Variants in KIF26B observed in about 807,000 individuals in gnomAD.
KIF26B encodes kinesin-like protein KIF26B.
KIF26B carries 63 observed loss-of-function variants against 151.2 expected under a neutral mutation model. The observed-to-expected ratio is 0.42, with a 90% CI of 0.34 to 0.51. The LOEUF is 0.51. Ranked by LOEUF, KIF26B falls within the 20% of genes least tolerant of loss-of-function variation. The pLI is 0.07. For missense variants in KIF26B, 2,813 were observed against 2,913.6 expected (o/e 0.97, Z 0.79); for synonymous variants, 1,357 against 1,262.1 (o/e 1.08, Z -1.59).
intron 2 of KIF26B, among the ~76,000 whole-genome samples, chr1:245,232,358 T>A (rs1670015193): frequency 6.6e-6 from 1 of 152,186 alleles, no homozygotes; most frequent in African/African-American, 2.4e-5. Flanking sequence ...ATTTGGTAAA[T>A]TTTATTGAGA....
At chr1:245,266,695 C>T (rs1034460679) in intron 2 of KIF26B, among the ~76,000 whole-genome samples, 5 of 152,112 alleles carry the variant, frequency 3.3e-5, no homozygotes, top group South Asian at 2.1e-4. Flanking sequence ...TTAGTAGGGA[C>T]GGGGTTTCAC....
intron 4 of KIF26B, among the ~76,000 whole-genome samples, chr1:245,429,339 G>C (rs1658722874): frequency 6.6e-6 from 1 of 152,146 alleles, no homozygotes; most frequent in African/African-American, 2.4e-5. Context: ...TGTTTAGGTG[G>C]CCCTTTGTTA....
At chr1:245,669,471 T>G (rs1480432795) in intron 10 of KIF26B, among the ~76,000 whole-genome samples, 1 of 152,196 alleles carries the variant, frequency 6.6e-6, no homozygotes, top group Non-Finnish European at 1.5e-5. Flanking sequence ...AAAGAACTCC[T>G]GTAAGTCAAC....
chr1:245,688,431 G>A lies in KIF26B; in HGVS notation c.5448G>A (p.Ala1816=), dbSNP rs939685788. The A allele has an allele frequency of 4.3e-6, 6 of 1,395,764 alleles. No individual in the cohort carries two copies. Among genetic ancestry groups the A allele is most frequent in the East Asian group, 3.0e-5 (1 of 33,404 alleles). The allele number at this position is 1,395,764 out of a possible 1,614,324, so 86.5% of individuals were successfully genotyped here. A position where few individuals can be genotyped will look rare whatever the true frequency, so the allele number is the denominator to read the frequency against. ...TCTCGGAGCTGCTGCAGGGTGGCGC[G>A]GGCGCCCGGGGCTTGCAGCTGCGGG... is the stretch of plus-strand genomic sequence containing the variant. ...GRISELLQGG[A]GARGLQLRAG... The change falls in exon 12 of 15, where the codon GCG becomes GCA. Residue 1816 remains alanine (A), a synonymous_variant. Coordinates refer to ENST00000407071, the MANE Select transcript of KIF26B (RefSeq NM_018012.4).
At chr1:245,506,234 C>T (rs1052264026) in intron 4 of KIF26B, among the ~76,000 whole-genome samples, 6 of 152,190 alleles carry the variant, frequency 3.9e-5, no homozygotes, top group African/African-American at 1.4e-4. Flanking sequence ...TTGTCACAGA[C>T]ACTCCTGTGT....
chr1:245,386,334 T>C (rs1320063840), intron 3 of KIF26B, among the ~76,000 whole-genome samples: 1 of 62,030 alleles, frequency 1.6e-5, no homozygotes, highest in Non-Finnish European at 3.2e-5. Context: ...GTGTAATTGA[T>C]CTAAAAAAAA....
chr1:245,679,641 G>A (rs982386544), intron 10 of KIF26B, among the ~76,000 whole-genome samples: 1 of 151,686 alleles, frequency 6.6e-6, no homozygotes, highest in Non-Finnish European at 1.5e-5. Flanking sequence ...GATAATTTTT[G>A]TATTTTTAGT....
chr1:245,616,857 A>G (rs1419663783), intron 9 of KIF26B, among the ~76,000 whole-genome samples: 1 of 152,160 alleles, frequency 6.6e-6, no homozygotes, highest in African/African-American at 2.4e-5. Context: ...GATAATTTCA[A>G]AAGCCCCACT....
chr1:245,535,083 G>A (rs941625483), intron 4 of KIF26B, among the ~76,000 whole-genome samples: 3 of 152,064 alleles, frequency 2.0e-5, no homozygotes, highest in Non-Finnish European at 2.9e-5. Flanking sequence ...GCACCTGGCC[G>A]TCTTTACCTT....
Position 245,560,439 on chromosome 1 carries a change from A to C in KIF26B, c.1350+19489A>C, listed in dbSNP as rs144070664. 3.4e-3 allele frequency among the ~76,000 whole-genome samples: 512 copies of C among 152,080 alleles called. 3 individuals carry two copies. The highest frequency in any genetic ancestry group is 0.012 in the African/African-American group (497 of 41,500). ...AAAATGTACCTTATGGTATTACTTT[A>C]TTTTAATTCTGCCATGACATTTGTG... On this transcript the variant is annotated intron_variant, in intron 5 of 14. Transcript: ENST00000407071. This position sits in a 1 kb window ranked among gnomAD's most constrained non-coding sequence, Gnocchi z 4.3.
At chr1:245,326,813 TATC>T (rs1373891720) in intron 2 of KIF26B, among the ~76,000 whole-genome samples, 1 of 152,172 alleles carries the variant, frequency 6.6e-6, no homozygotes, top group African/African-American at 2.4e-5. Context: ...AACTGTGAAA[TATC>T]ATAGAACCGG....
At chr1:245,632,535 T>C (rs2043792015) in intron 9 of KIF26B, among the ~76,000 whole-genome samples, 1 of 152,224 alleles carries the variant, frequency 6.6e-6, no homozygotes, top group African/African-American at 2.4e-5. Context: ...GTTCGATCCA[T>C]TTGGTCTGTA....
chr1:245,496,398 T>TAGC (rs1205732649), intron 4 of KIF26B, among the ~76,000 whole-genome samples: 2 of 152,180 alleles, frequency 1.3e-5, no homozygotes, highest in Non-Finnish European at 2.9e-5. Flanking sequence ...AAAATATATG[T>TAGC]AGCATTAAAT....
intron 5 of KIF26B, among the ~76,000 whole-genome samples, chr1:245,578,068 G>T (rs373401816): frequency 6.6e-6 from 1 of 152,218 alleles, no homozygotes; most frequent in Non-Finnish European, 1.5e-5. Context: ...GCGGCAATGA[G>T]TCCACTCTCC....
chr1:245,677,198 A>AG (rs1179573788), intron 10 of KIF26B, among the ~76,000 whole-genome samples: 1 of 152,216 alleles, frequency 6.6e-6, no homozygotes, highest in Non-Finnish European at 1.5e-5. Flanking sequence ...CTGGTCCTTC[A>AG]GCCAGAGTGG....
At chr1:245,394,596 C>T (rs1341642292) in intron 3 of KIF26B, among the ~76,000 whole-genome samples, 1 of 151,884 alleles carries the variant, frequency 6.6e-6, no homozygotes, top group African/African-American at 2.4e-5. Context: ...GCACTCCAGC[C>T]TGGGCAGCAG....
At chr1:245,193,534 A>AT (rs565840360) in intron 2 of KIF26B, among the ~76,000 whole-genome samples, 14 of 152,016 alleles carry the variant, frequency 9.2e-5, no homozygotes, top group Non-Finnish European at 1.5e-4. Flanking sequence ...AAAATTTCAT[A>AT]TTTTTTTCTC....
Position 245,540,451 on chromosome 1 carries a change from T to C in KIF26B, c.1167-316T>C, listed in dbSNP as rs1242611588. Reference sequence around the variant, plus strand: ...GGAGTGATGAACTTAATGGGTGCCCTTATCCCCAAAGATGCCCAGCTTTGT... The same window carrying C: ...GGAGTGATGAACTTAATGGGTGCCCCTATCCCCAAAGATGCCCAGCTTTGT... On this transcript the variant is annotated intron_variant, in intron 4 of 14. Transcript: ENST00000407071. The surrounding 1 kb of genome is among the most constrained non-coding windows in gnomAD (Gnocchi z 4.6). 7.1e-6 allele frequency: 4 copies of C among 563,668 alleles called. No individual in the cohort carries two copies. In the East Asian group the frequency reaches 1.2e-4, roughly 17 times the overall value. The allele number at this position is 563,668 out of a possible 1,614,324, so 34.9% of individuals were successfully genotyped here.
In KIF26B at chr1:245,204,896, T is replaced by G. The variant is rs561169614; in HGVS notation, c.465+48213T>G. Among the ~76,000 whole-genome samples the G allele has an allele frequency of 3.3e-3, 506 of 152,230 alleles. 2 individuals carry two copies. The highest frequency in any genetic ancestry group is 0.011 in the African/African-American group (459 of 41,526). On this transcript the variant is annotated intron_variant, in intron 2 of 14. Coordinates refer to ENST00000407071, the MANE Select transcript of KIF26B (RefSeq NM_018012.4). ...CCTCAGCTCAAGTGATCCTCCCACC[T>G]CAGCCTCCCAAGTAGCTGGGACCTC...
Sources: allele counts gnomAD v4.1 joint callset (sites outside exome capture counted in the v4.1 genomes callset), GRCh38; gene constraint gnomAD v4.1.1; non-coding constraint Gnocchi (gnomAD v3.1); transcripts MANE v1.5; gene names NCBI Gene and HGNC (gene_info 2026-07-23, HGNC 2026-07-21).